Variants in MARCHF1 observed in about 807,000 individuals in gnomAD.
The protein encoded by MARCHF1 is membrane associated ring-CH-type finger 1, also known as E3 ubiquitin-protein ligase MARCHF1.
Under a neutral mutation model 54.2 loss-of-function variants are expected in MARCHF1, and 40 were observed. The observed-to-expected ratio is 0.74, with a 90% CI of 0.57 to 0.96. The LOEUF (loss-of-function observed/expected upper bound fraction) is 0.96, where lower values mean the gene tolerates loss of function less well. Among genes scored for constraint, MARCHF1 ranks in the 40% least tolerant of loss-of-function variants. MARCHF1 has a pLI of 0.00. For synonymous variants in MARCHF1, 236 were observed against 236.3 expected, an observed-to-expected ratio of 1.00 and a Z score of 0.01; for missense variants, 586 against 656.5, an observed-to-expected ratio of 0.89 and a Z score of 1.17.
intron 1 of MARCHF1, among the ~76,000 whole-genome samples, chr4:164,276,707 T>C (rs1302592258): frequency 1.3e-5 from 2 of 150,916 alleles, no homozygotes; most frequent in East Asian, 1.9e-4. Flanking sequence ...AAAAAGTTCA[T>C]ACATTGAAAA....
At chr4:164,099,802 A>G (rs1054606781) in intron 2 of MARCHF1, among the ~76,000 whole-genome samples, 4 of 152,164 alleles carry the variant, frequency 2.6e-5, no homozygotes, top group African/African-American at 9.7e-5. Context: ...ATATGTATAA[A>G]TGCCTTTAAA....
chr4:164,021,079 C>CTTTTTTTTTTT (rs58872172), intron 2 of MARCHF1, among the ~76,000 whole-genome samples: 1 of 141,688 alleles, frequency 7.1e-6, no homozygotes, highest in Non-Finnish European at 1.5e-5. Flanking sequence ...ATTTCTGTCC[C>CTTTTTTTTTTT]TTTTTTTTTT....
intron 7 of MARCHF1, among the ~76,000 whole-genome samples, chr4:163,602,210 G>C (rs6536741): frequency 0.33 from 50,352 of 151,874 alleles, 8,755 homozygotes; most frequent in Middle Eastern, 0.39. Context: ...ATACAATGTG[G>C]TGTTATAAAC....
chr4:164,168,525 T>C (rs13130882), intron 1 of MARCHF1, among the ~76,000 whole-genome samples: 2,918 of 152,202 alleles, frequency 0.019, 61 homozygotes, highest in Non-Finnish European at 0.031. Context: ...TACATATATA[T>C]ACAGTCTGTG....
chr4:163,789,843 G>A (rs1372826886), intron 4 of MARCHF1, among the ~76,000 whole-genome samples: 3 of 152,004 alleles, frequency 2.0e-5, no homozygotes, highest in Admixed American at 2.0e-4. Flanking sequence ...GTTTGAAAAT[G>A]CTCATCTATT....
chr4:163,832,764 A>C (rs1579323434), intron 4 of MARCHF1, among the ~76,000 whole-genome samples: 1 of 108,766 alleles, frequency 9.2e-6, no homozygotes, highest in Admixed American at 1.3e-4. Flanking sequence ...AACAGTCTCC[A>C]GTGTGTGATG....
At chr4:163,623,910 A>C (rs1009131456) in intron 5 of MARCHF1, among the ~76,000 whole-genome samples, 1 of 152,126 alleles carries the variant, frequency 6.6e-6, no homozygotes, top group African/African-American at 2.4e-5. Flanking sequence ...TGATACTAGA[A>C]ATAGTGCCAG....
intron 4 of MARCHF1, among the ~76,000 whole-genome samples, chr4:163,712,476 G>A (rs1444553124): frequency 6.6e-6 from 1 of 152,068 alleles, no homozygotes; most frequent in Non-Finnish European, 1.5e-5. Context: ...TTCCTGCAAA[G>A]GTTGGTAATC....
At chr4:163,702,189 C>T (rs946803027) in intron 4 of MARCHF1, among the ~76,000 whole-genome samples, 4 of 152,152 alleles carry the variant, frequency 2.6e-5, no homozygotes, top group Non-Finnish European at 2.9e-5. Flanking sequence ...TGAGTCACAA[C>T]GATACGGTTA....
chr4:163,952,395 T>C (rs1168283891), intron 3 of MARCHF1, among the ~76,000 whole-genome samples: 1 of 152,216 alleles, frequency 6.6e-6, no homozygotes, highest in Non-Finnish European at 1.5e-5. Flanking sequence ...ATATTTTCAA[T>C]GTCCTACTCC....
intron 1 of MARCHF1, among the ~76,000 whole-genome samples, chr4:164,113,138 T>C (rs1160523323): frequency 6.6e-6 from 1 of 151,902 alleles, no homozygotes; most frequent in Non-Finnish European, 1.5e-5. Context: ...TCAATGGACT[T>C]TATTTTCACA....
At chr4:163,774,984 C>T (rs1021015175) in intron 4 of MARCHF1, among the ~76,000 whole-genome samples, 5 of 152,066 alleles carry the variant, frequency 3.3e-5, no homozygotes, top group African/African-American at 9.7e-5. Flanking sequence ...GGTCATGTCA[C>T]GTCACTTCTC....
chr4:164,084,953 A>G (rs1755166438), intron 2 of MARCHF1, among the ~76,000 whole-genome samples: 3 of 151,826 alleles, frequency 2.0e-5, no homozygotes, highest in Non-Finnish European at 4.4e-5. Flanking sequence ...TCATCTATTT[A>G]TATTTTATTA....
chr4:163,828,119 G>A (rs1383356384), intron 4 of MARCHF1, among the ~76,000 whole-genome samples: 4 of 151,520 alleles, frequency 2.6e-5, no homozygotes, highest in African/African-American at 9.7e-5. Context: ...GAAAACGTAT[G>A]CTTTTGGTTT....
chr4:163,908,041 C>A (rs1380448784), intron 3 of MARCHF1, among the ~76,000 whole-genome samples: 1 of 152,074 alleles, frequency 6.6e-6, no homozygotes, highest in Non-Finnish European at 1.5e-5. Flanking sequence ...GTAATACAAG[C>A]CAGTGCCTGA....
intron 1 of MARCHF1, among the ~76,000 whole-genome samples, chr4:164,281,039 TA>T (rs954339872): frequency 2.6e-5 from 4 of 152,162 alleles, no homozygotes; most frequent in African/African-American, 9.6e-5. Context: ...TTGTTTATAA[TA>T]AACCTGAACA....
chr4:164,338,414 G>C (rs1189722164), intron 1 of MARCHF1, among the ~76,000 whole-genome samples: 2 of 152,084 alleles, frequency 1.3e-5, no homozygotes, highest in Non-Finnish European at 2.9e-5. Flanking sequence ...AATGATTATA[G>C]TAAGTCCTTG....
intron 9 of MARCHF1, chr4:163,529,844 G>T (rs1262474190): frequency 2.6e-5 from 4 of 152,124 alleles, no homozygotes; most frequent in Non-Finnish European, 5.9e-5. Context: ...ATATATGAGG[G>T]TCAAGAGTGT....
At chr4:163,813,309 T>C (rs1403184774) in intron 4 of MARCHF1, among the ~76,000 whole-genome samples, 1 of 152,210 alleles carries the variant, frequency 6.6e-6, no homozygotes, top group East Asian at 1.9e-4. Context: ...CTCTCAGACT[T>C]TGATTTCAAT....
Sources: allele counts gnomAD v4.1 joint callset (sites outside exome capture counted in the v4.1 genomes callset), GRCh38; gene constraint gnomAD v4.1.1; transcripts MANE v1.5; gene names NCBI Gene and HGNC (gene_info 2026-07-23, HGNC 2026-07-21).